Variants in REDIC1 observed in about 807,000 individuals in gnomAD.
REDIC1 encodes the protein HEI10 Interacting Protein 1.
chr12:39,907,366 A>G, the REDIC1 span, among the ~76,000 whole-genome samples: 4 of 152,240 alleles, frequency 2.6e-5, no homozygotes, highest in African/African-American at 9.6e-5. Context: ...TCAATGAAGA[A>G]AGAGAAAATA....
chr12:39,863,790 A>C, the REDIC1 span, among the ~76,000 whole-genome samples: 1 of 152,166 alleles, frequency 6.6e-6, no homozygotes, highest in South Asian at 2.1e-4. Flanking sequence ...ATTTGGAACC[A>C]ATATATCTTC....
the REDIC1 span, among the ~76,000 whole-genome samples, chr12:39,642,370 C>G: frequency 6.6e-6 from 1 of 151,650 alleles, no homozygotes; most frequent in Admixed American, 6.6e-5. Context: ...TTGGATAGCT[C>G]TGACTCATCC....
chr12:39,857,163 C>A, the REDIC1 span, among the ~76,000 whole-genome samples: 4 of 152,132 alleles, frequency 2.6e-5, no homozygotes, highest in Admixed American at 1.3e-4. Flanking sequence ...TTATTTCAGA[C>A]CTAAATGGAC....
chr12:39,701,207 A>G, the REDIC1 span, among the ~76,000 whole-genome samples: 2 of 152,170 alleles, frequency 1.3e-5, no homozygotes, highest in Non-Finnish European at 2.9e-5. Context: ...ACGTGCGGAG[A>G]CACACATAGG....
chr12:39,737,613 G>A, the REDIC1 span, among the ~76,000 whole-genome samples: 1 of 152,082 alleles, frequency 6.6e-6, no homozygotes, highest in African/African-American at 2.4e-5. Flanking sequence ...TCCCCATTTT[G>A]CAGATAAGGA....
At chr12:39,794,094 T>C in the REDIC1 span, among the ~76,000 whole-genome samples, 1 of 126,194 alleles carries the variant, frequency 7.9e-6, no homozygotes, top group South Asian at 2.4e-4. Flanking sequence ...TCCTAGAAGG[T>C]GATGTATGGC....
chr12:39,854,149 C>G, the REDIC1 span, among the ~76,000 whole-genome samples: 1 of 151,282 alleles, frequency 6.6e-6, no homozygotes, highest in Non-Finnish European at 1.5e-5. Flanking sequence ...GGCAGGTGGA[C>G]AGAACAAAAT....
chr12:39,717,988 T>A, the REDIC1 span, among the ~76,000 whole-genome samples: 1 of 152,028 alleles, frequency 6.6e-6, no homozygotes, highest in African/African-American at 2.4e-5. Context: ...TTTTGCCATA[T>A]CCACAGTCTC....
chr12:39,722,539 T>C, the REDIC1 span, among the ~76,000 whole-genome samples: 1 of 152,156 alleles, frequency 6.6e-6, no homozygotes, highest in East Asian at 1.9e-4. Flanking sequence ...ACTATAATGA[T>C]GACAGTAGAA....
chr12:39,843,930 C>T, the REDIC1 span, among the ~76,000 whole-genome samples: 2 of 151,906 alleles, frequency 1.3e-5, no homozygotes, highest in African/African-American at 4.8e-5. Context: ...TATCAGTATG[C>T]TTTTTTCCCC....
the REDIC1 span, among the ~76,000 whole-genome samples, chr12:39,808,376 A>G: frequency 6.6e-6 from 1 of 151,538 alleles, no homozygotes. Flanking sequence ...GTAATTTCCA[A>G]TTTTGTCCAT....
the REDIC1 span, among the ~76,000 whole-genome samples, chr12:39,631,937 A>G: frequency 6.6e-6 from 1 of 152,076 alleles, no homozygotes; most frequent in African/African-American, 2.4e-5. Flanking sequence ...TGATGATAGC[A>G]CATGTATACA....
chr12:39,639,164 A>C, the REDIC1 span, among the ~76,000 whole-genome samples: 2 of 152,008 alleles, frequency 1.3e-5, no homozygotes, highest in African/African-American at 4.8e-5. Context: ...GGTCCTCCTT[A>C]GTCTTAGCAA....
At chr12:39,760,953 A>AACACACACACACACAC in the REDIC1 span, among the ~76,000 whole-genome samples, 172 of 101,572 alleles carry the variant, frequency 1.7e-3, 9 homozygotes, top group African/African-American at 4.7e-3. Flanking sequence ...GTCTCTACCA[A>AACACACACACACACAC]ACACACACAC....
chr12:39,800,361 A>G, the REDIC1 span, among the ~76,000 whole-genome samples: 1 of 152,098 alleles, frequency 6.6e-6, no homozygotes, highest in Non-Finnish European at 1.5e-5. Flanking sequence ...CAAAGGGCTA[A>G]TATCCAGAAT....
the REDIC1 span, among the ~76,000 whole-genome samples, chr12:39,653,525 TTCTTCTTCTTCTTTTTC>T: frequency 3.4e-5 from 2 of 58,732 alleles, no homozygotes; most frequent in African/African-American, 5.0e-5. Context: ...CTTCTTCTTC[TTCTTCTTCTTCTTTTTC>T]TTCTTCTTCT....
chr12:39,703,561 C>A, the REDIC1 span, among the ~76,000 whole-genome samples: 2 of 151,896 alleles, frequency 1.3e-5, no homozygotes, highest in Non-Finnish European at 2.9e-5. Flanking sequence ...CAATGACTTT[C>A]TTCACAGAAT....
chr12:39,677,371 G>A, the REDIC1 span, among the ~76,000 whole-genome samples: 10,599 of 152,056 alleles, frequency 0.07, 1,302 homozygotes, highest in African/African-American at 0.24. Flanking sequence ...AATGATAAAA[G>A]GATTAGAACA....
the REDIC1 span, among the ~76,000 whole-genome samples, chr12:39,710,668 A>G: frequency 2.0e-5 from 3 of 151,668 alleles, no homozygotes; most frequent in African/African-American, 7.3e-5. Context: ...TGTTTTCTCT[A>G]TAAATTATCA....
Sources: gnomAD v4.1 joint callset for allele counts (sites outside exome capture counted in the v4.1 genomes callset) on GRCh38, gnomAD v4.1.1 for gene constraint, MANE v1.5 for transcripts, NCBI Gene and HGNC (gene_info 2026-07-23, HGNC 2026-07-21) for gene names.